The following TFCP2L1 variants were observed in gnomAD, a reference collection of about 807,000 sequenced individuals.
The protein encoded by TFCP2L1 is transcription factor CP2-like protein 1.
A neutral mutation model predicts 72.2 loss-of-function variants in TFCP2L1; 12 were observed. That is an observed-to-expected ratio of 0.17 (90% CI 0.11 to 0.27). The LOEUF (loss-of-function observed/expected upper bound fraction) is 0.27. TFCP2L1 is among the 10% of genes least tolerant of loss of function. The pLI is 1.00. For synonymous variants in TFCP2L1, 260 were observed against 251.0 expected (o/e 1.04, Z -0.34); for missense variants, 488 against 624.6 (o/e 0.78, Z 2.33).
chr2:121,242,582 G>T (rs758976860), intron 6 of TFCP2L1, 113 bp from the exon 7 acceptor site: 1 of 958,416 alleles, frequency 1.0e-6, no homozygotes, highest in Non-Finnish European at 1.7e-6. Context: ...GAGGAACTCA[G>T]GGGCAGGACA....
chr2:121,242,065 G>C (rs1212387593), intron 7 of TFCP2L1, among the ~76,000 whole-genome samples: 1 of 110,626 alleles, frequency 9.0e-6, no homozygotes. Flanking sequence ...TCAAAACCAT[G>C]TGAATACATT....
rs953122522 is a variant in TFCP2L1, at chr2:121,284,139, G to A, written c.62+909C>T. Among the ~76,000 whole-genome samples, 8 of 152,294 alleles carry A rather than the reference G, an allele frequency of 5.3e-5. No individual in the cohort carries two copies. In the East Asian group the frequency reaches 1.5e-3, roughly 29 times the overall value. ...AGCACTTAAAGGTAGCTCTAGTATGGGGGCTGTCAATGCCTGTGACTCCTT... is the reference window on the plus strand; with the variant it reads ...AGCACTTAAAGGTAGCTCTAGTATGAGGGCTGTCAATGCCTGTGACTCCTT... On this transcript the variant is annotated intron_variant, in intron 1 of 14. Coordinates refer to ENST00000263707, the MANE Select transcript of TFCP2L1 (RefSeq NM_014553.3).
At chr2:121,284,544 C>A (rs1296795109) in intron 1 of TFCP2L1, among the ~76,000 whole-genome samples, 1 of 152,234 alleles carries the variant, frequency 6.6e-6, no homozygotes. Context: ...GGGCGGCCTG[C>A]CCCTCCGAGC....
rs541067403 is a variant in TFCP2L1 at position 121,236,854 on chromosome 2, A to C, written c.1003+769T>G. Among the ~76,000 whole-genome samples, 150 of 152,230 alleles carry C rather than the reference A, an allele frequency of 9.9e-4. 1 individual carries two copies. Among genetic ancestry groups the C allele is most frequent in the African/African-American group, 3.3e-3 (139 of 41,548 alleles). ...CCAGTCCAGTGCAGGGTCCTCTCTG[A>C]ACCCCCACTCCAATCACACAAGTCA... On this transcript the variant is annotated intron_variant, in intron 10 of 14. Transcript: ENST00000263707.
In TFCP2L1 at chr2:121,240,485, G is replaced by A. The variant is rs2104686290; in HGVS notation, c.769-836C>T. 6 of 985,422 alleles carry A rather than the reference G, an allele frequency of 6.1e-6. 1 individual carries two copies. In the Middle Eastern group the frequency reaches 1.6e-3, roughly 257 times the overall value. 61.0% of individuals were successfully genotyped at this position (985,422 alleles called of 1,614,324 possible). A position where few individuals can be genotyped will look rare whatever the true frequency, so the allele number is the denominator to read the frequency against. On this transcript the variant is annotated intron_variant, in intron 7 of 14. Coordinates refer to ENST00000263707, the MANE Select transcript of TFCP2L1 (RefSeq NM_014553.3). ...TAGTGTTGGTAAATATTTAAGTATT[G>A]TGAGTGTGGGCTCGAATTTGTTGGT... is the stretch of plus-strand genomic sequence containing the variant.
chr2:121,235,688 G>A (rs989747162), intron 10 of TFCP2L1, among the ~76,000 whole-genome samples: 2 of 150,798 alleles, frequency 1.3e-5, no homozygotes, highest in Non-Finnish European at 2.9e-5. Context: ...TCAAAGTACT[G>A]GGATTACAGA....
At chr2:121,231,290 C>T (rs372730565) in intron 13 of TFCP2L1, among the ~76,000 whole-genome samples, 12 of 152,350 alleles carry the variant, frequency 7.9e-5, no homozygotes, top group South Asian at 6.2e-4. Context: ...ATTCAACACC[C>T]GCTTCTTAGC....
chr2:121,251,663 G>C (rs770241612), intron 2 of TFCP2L1, among the ~76,000 whole-genome samples: 5 of 152,192 alleles, frequency 3.3e-5, no homozygotes, highest in Non-Finnish European at 7.3e-5. Flanking sequence ...GAAAATTGCT[G>C]ACAGGCTATT....
At chr2:121,266,882 A>ATTATTTAT (rs199919633) in intron 2 of TFCP2L1, among the ~76,000 whole-genome samples, 83 of 145,878 alleles carry the variant, frequency 5.7e-4, no homozygotes, top group East Asian at 2.2e-3. Context: ...TATTTTTTTC[A>ATTATTTAT]TTATTTATTT....
intron 1 of TFCP2L1, among the ~76,000 whole-genome samples, chr2:121,284,806 G>A (rs2104778722): frequency 6.6e-6 from 1 of 152,266 alleles, no homozygotes; most frequent in East Asian, 1.9e-4. Flanking sequence ...AGGAGCCCTC[G>A]CAGACATAGG....
chr2:121,282,883 T>C (rs904444240), intron 1 of TFCP2L1, among the ~76,000 whole-genome samples: 7 of 152,206 alleles, frequency 4.6e-5, no homozygotes, highest in African/African-American at 1.7e-4. Flanking sequence ...AAGCCTGGCA[T>C]TGAGCACACA....
intron 2 of TFCP2L1, among the ~76,000 whole-genome samples, chr2:121,261,400 G>A (rs1686827561): frequency 6.6e-6 from 1 of 152,098 alleles, no homozygotes; most frequent in Non-Finnish European, 1.5e-5. Context: ...CAAAAGGTGA[G>A]GAAATGCTCA....
At chr2:121,271,592 C>A (rs1420404861) in intron 2 of TFCP2L1, among the ~76,000 whole-genome samples, 6 of 152,100 alleles carry the variant, frequency 3.9e-5, no homozygotes, top group Admixed American at 3.9e-4. Flanking sequence ...AACAAAATAA[C>A]TAATCCTTTG....
intron 13 of TFCP2L1, among the ~76,000 whole-genome samples, chr2:121,227,257 TG>T (rs1431722738): frequency 2.6e-5 from 4 of 152,266 alleles, no homozygotes; most frequent in Non-Finnish European, 5.9e-5. Flanking sequence ...GGGCTTCTAA[TG>T]TAACATTCTG....
chr2:121,231,007 T>G (rs1686132601), intron 13 of TFCP2L1, among the ~76,000 whole-genome samples: 1 of 152,134 alleles, frequency 6.6e-6, no homozygotes, highest in Non-Finnish European at 1.5e-5. Context: ...GCCCTGCAGC[T>G]CCAATCCCTG....
At chr2:121,281,825 A>G (rs1268017202) in intron 1 of TFCP2L1, among the ~76,000 whole-genome samples, 1 of 151,750 alleles carries the variant, frequency 6.6e-6, no homozygotes, top group Non-Finnish European at 1.5e-5. Flanking sequence ...CATCCCTTCT[A>G]AAGAGAGGAC....
At chr2:121,253,266 C>T (rs59952953) in intron 2 of TFCP2L1, among the ~76,000 whole-genome samples, 3,621 of 152,310 alleles carry the variant, frequency 0.024, 161 homozygotes, top group African/African-American at 0.083. Context: ...ACGCGCTGGA[C>T]GCCTTTCCCA....
At chr2:121,281,029 C>T (rs1212382609) in intron 2 of TFCP2L1, 91 bp downstream of exon 2, 8 of 1,563,020 alleles carry the variant, frequency 5.1e-6, no homozygotes, top group African/African-American at 2.7e-5. Flanking sequence ...CCTCACCCAC[C>T]GTAACAAAGT....
chr2:121,268,504 C>A (rs1029711437), intron 2 of TFCP2L1, among the ~76,000 whole-genome samples: 1 of 152,028 alleles, frequency 6.6e-6, no homozygotes, highest in Admixed American at 6.6e-5. Context: ...CAGGCGTGCA[C>A]CACCTTGCCC....
Sources: allele counts gnomAD v4.1 joint callset (sites outside exome capture counted in the v4.1 genomes callset), GRCh38; gene constraint gnomAD v4.1.1; transcripts MANE v1.5; gene names NCBI Gene and HGNC (gene_info 2026-07-23, HGNC 2026-07-21).